PXMP4: variants seen among roughly 807,000 people sequenced by gnomAD.
The protein encoded by PXMP4 is 24 kDa peroxisomal intrinsic membrane protein.
In PXMP4, 16 loss-of-function variants were observed where a neutral mutation model predicts 21.6. That is an observed-to-expected ratio of 0.74 (90% confidence interval 0.50 to 1.13). PXMP4 has a LOEUF of 1.13. Among genes scored for constraint, PXMP4 ranks in the 50% most tolerant of loss-of-function variants. The pLI is 0.00. For synonymous variants in PXMP4, 127 were observed against 123.8 expected, an observed-to-expected ratio of 1.03 and a Z score of -0.17; for missense variants, 240 against 277.7, an observed-to-expected ratio of 0.86 and a Z score of 0.96.
At position 33,706,410 on chromosome 20, in the gene PXMP4, A is replaced by G. The variant is rs1228553458; in HGVS notation, c.*1296T>C. On this transcript the variant is annotated 3_prime_UTR_variant, in exon 4 of 4. Coordinates refer to ENST00000409299, the MANE Select transcript of PXMP4 (RefSeq NM_007238.5). ...AGGTCGAGACTAGCCCTAGTGACAG[A>G]GCGAGACCCTGTCGCTACTTAAAAA... 4.0e-5 allele frequency: 6 copies of G among 151,714 alleles called. No individual in the cohort carries two copies. Among genetic ancestry groups the G allele is most frequent in the East Asian group, 2.0e-4 (1 of 5,124 alleles). The allele number at this position is 151,714 out of a possible 1,614,324, so 9.4% of individuals were successfully genotyped here. A position where few individuals can be genotyped will look rare whatever the true frequency, so the allele number is the denominator to read the frequency against.
At chr20:33,714,905 G>A (rs1272562841) in intron 1 of PXMP4, among the ~76,000 whole-genome samples, 169 bp from the exon 2 acceptor site, 1 of 152,138 alleles carries the variant, frequency 6.6e-6, no homozygotes, top group East Asian at 1.9e-4. Flanking sequence ...CTGGTAGTAT[G>A]GTCTCAGGCG....
rs1259133064 is a variant in PXMP4, at chr20:33,720,288, C to T, written c.-81G>A. On this transcript the variant is annotated 5_prime_UTR_variant, in exon 1 of 4. Transcript: ENST00000409299. ...AGGTTCCAGCTGCGCGCCCACAGCC[C>T]CTCGGTAGCGCCGCCGACTCGTGGC... 3.9e-6 allele frequency: 5 copies of T among 1,281,408 alleles called. No homozygotes were observed. Among genetic ancestry groups the T allele is most frequent in the Admixed American group, 2.1e-5 (1 of 47,362 alleles). The allele number at this position is 1,281,408 out of a possible 1,614,324, so 79.4% of individuals were successfully genotyped here. A position where few individuals can be genotyped will look rare whatever the true frequency, so the allele number is the denominator to read the frequency against.
intron 3 of PXMP4, among the ~76,000 whole-genome samples, chr20:33,709,097 C>G (rs1445222420): frequency 6.6e-6 from 1 of 152,034 alleles, no homozygotes; most frequent in Non-Finnish European, 1.5e-5. Context: ...AGTTTCAGAC[C>G]CAGCCTGACC....
intron 1 of PXMP4, among the ~76,000 whole-genome samples, chr20:33,716,087 G>A (rs1004356435): frequency 1.3e-4 from 19 of 151,642 alleles, no homozygotes; most frequent in South Asian, 4.2e-4. Flanking sequence ...CAGGTGATCC[G>A]CCCACCTCGG....
chr20:33,710,145 T>C (rs1601203955), intron 3 of PXMP4, among the ~76,000 whole-genome samples: 2 of 106,826 alleles, frequency 1.9e-5, no homozygotes, highest in Non-Finnish European at 3.8e-5. Context: ...CTCCCACCTC[T>C]ATCCAGAACC....
At position 33,712,121 on chromosome 20, in the gene PXMP4, C is replaced by T. The variant is rs554455415; in HGVS notation, c.177-1368G>A. On this transcript the variant is annotated intron_variant, in intron 2 of 3. Transcript: ENST00000409299. ...GACCCTAAATGAGTGAGAGGGTCCA[C>T]GGGGAAATCTTCCAGGTGACTGGGG... 1.2e-4 allele frequency among the ~76,000 whole-genome samples: 18 copies of T among 152,258 alleles called. 1 individual carries two copies. In the South Asian group the frequency reaches 3.5e-3, roughly 30 times the overall value.
In PXMP4 at chr20:33,704,517, G is replaced by A. The variant is rs938225464; in HGVS notation, c.*3189C>T. 6.6e-6 allele frequency: 1 copy of A among 152,134 alleles called. No individual in the cohort carries two copies. Among genetic ancestry groups the A allele is most frequent in the African/African-American group, 2.4e-5 (1 of 41,410 alleles). 9.4% of individuals were successfully genotyped at this position (152,134 alleles called of 1,614,324 possible). On this transcript the variant is annotated 3_prime_UTR_variant, in exon 4 of 4. Coordinates refer to ENST00000409299, the MANE Select transcript of PXMP4 (RefSeq NM_007238.5). ...GGCCATGGACCGGTACCGGGGTTGC[G>A]GACCCCTTACTCTAGAGCTCATTCA...
intron 2 of PXMP4, among the ~76,000 whole-genome samples, chr20:33,713,444 C>G (rs1056219840): frequency 6.6e-6 from 1 of 152,214 alleles, no homozygotes; most frequent in Non-Finnish European, 1.5e-5. Context: ...AACCTGTCCC[C>G]TCAGCACTTC....
rs763105714 is a variant in PXMP4, at chr20:33,710,620, C to G, written c.310G>C (p.Ala104Pro). ...CCCCCGAGGAAGGCCGCCAGGAATG[C>G]GTGTGCTGGGTAGGTCTTGCCTTGT... is the stretch of plus-strand genomic sequence containing the variant. ...YIQGKTYPAH[A>P]FLAAFLGGIL... Residue 104 changes from alanine (A) to proline (P), a missense_variant, in exon 3 of 4, where the codon GCA (alanine) becomes CCA (proline). Coordinates refer to ENST00000409299, the MANE Select transcript of PXMP4 (RefSeq NM_007238.5). 1.2e-6 allele frequency: 2 copies of G among 1,613,874 alleles called. No homozygotes were observed. Among genetic ancestry groups the G allele is most frequent in the Non-Finnish European group, 1.7e-6 (2 of 1,179,944 alleles).
At chr20:33,708,911 A>G (rs1214512573) in intron 3 of PXMP4, among the ~76,000 whole-genome samples, 1 of 152,192 alleles carries the variant, frequency 6.6e-6, no homozygotes, top group Non-Finnish European at 1.5e-5. Flanking sequence ...TGCCTGGCCT[A>G]AAAATTATTT....
In PXMP4 at chr20:33,707,543, G is replaced by T. The variant is rs769147084; in HGVS notation, c.*163C>A. The T allele has an allele frequency of 2.1e-4, 219 of 1,033,228 alleles. No homozygotes were observed. Among genetic ancestry groups the T allele is most frequent in the Middle Eastern group, 3.2e-4 (1 of 3,084 alleles). The allele number at this position is 1,033,228 out of a possible 1,614,324, so 64.0% of individuals were successfully genotyped here. ...CGGCCACTTGTGCCACCATACAAAG[G>T]TACCCACTGGGATTTTAAAATCAGT... is the stretch of plus-strand genomic sequence containing the variant. On this transcript the variant is annotated 3_prime_UTR_variant, in exon 4 of 4. Coordinates refer to ENST00000409299, the MANE Select transcript of PXMP4 (RefSeq NM_007238.5).
At chr20:33,715,210 G>A (rs1317330265) in intron 1 of PXMP4, among the ~76,000 whole-genome samples, 2 of 152,102 alleles carry the variant, frequency 1.3e-5, no homozygotes, top group Non-Finnish European at 2.9e-5. Flanking sequence ...GTGCAATCTT[G>A]GCTCACTGCA....
chr20:33,710,494 A>G, intron 3 of PXMP4, 61 bp downstream of exon 3: 1 of 299,630 alleles, frequency 3.3e-6, no homozygotes, highest in Non-Finnish European at 4.9e-6. Flanking sequence ...CCCTTCTGTC[A>G]CCCCCACCTC....
At chr20:33,712,894 G>A (rs2018345760) in intron 2 of PXMP4, among the ~76,000 whole-genome samples, 1 of 152,192 alleles carries the variant, frequency 6.6e-6, no homozygotes, top group African/African-American at 2.4e-5. Context: ...TTCCCAAAGT[G>A]CTGGGATTAC....
At chr20:33,718,488 G>T (rs893689358) in intron 1 of PXMP4, among the ~76,000 whole-genome samples, 2 of 123,654 alleles carry the variant, frequency 1.6e-5, no homozygotes, top group East Asian at 5.0e-4. Context: ...TCCAGCCTGG[G>T]CAACAGAGCG....
intron 1 of PXMP4, among the ~76,000 whole-genome samples, chr20:33,716,345 G>A (rs1480472291): frequency 6.6e-6 from 1 of 152,032 alleles, no homozygotes; most frequent in Non-Finnish European, 1.5e-5. Flanking sequence ...GTCCTTCCTG[G>A]ACTGCATCTG....
chr20:33,714,597 A>G (rs1568921768), intron 2 of PXMP4, 77 bp downstream of exon 2: 1 of 1,408,432 alleles, frequency 7.1e-7, no homozygotes, highest in East Asian at 2.3e-5. Flanking sequence ...GACAGGGTAG[A>G]CCCAGCTAAG....
intron 1 of PXMP4, among the ~76,000 whole-genome samples, chr20:33,718,228 A>G (rs2018404225): frequency 6.6e-6 from 1 of 152,144 alleles, no homozygotes; most frequent in South Asian, 2.1e-4. Context: ...CCTGTGTCCA[A>G]GGCTGGGTGT....
Position 33,707,545 on chromosome 20 carries a change from AC to A in PXMP4, c.*160del, listed in dbSNP as rs985578189. 12 of 1,038,188 alleles carry A rather than the reference AC, an allele frequency of 1.2e-5. No individual in the cohort carries two copies. In the Admixed American group the frequency reaches 1.4e-4, roughly 12 times the overall value. The allele number at this position is 1,038,188 out of a possible 1,614,324, so 64.3% of individuals were successfully genotyped here. ...GCCACTTGTGCCACCATACAAAGGTACCCACTGGGATTTTAAAATCAGTGTT... is the reference window on the plus strand; with the variant it reads ...GCCACTTGTGCCACCATACAAAGGTACCACTGGGATTTTAAAATCAGTGTT... On this transcript the variant is annotated 3_prime_UTR_variant, in exon 4 of 4. Coordinates refer to ENST00000409299, the MANE Select transcript of PXMP4 (RefSeq NM_007238.5).
Sources: allele counts gnomAD v4.1 joint callset (sites outside exome capture counted in the v4.1 genomes callset), GRCh38; gene constraint gnomAD v4.1.1; transcripts MANE v1.5; gene names NCBI Gene and HGNC (gene_info 2026-07-23, HGNC 2026-07-21).